DIAPH3: variants seen among roughly 807,000 people sequenced by gnomAD.
The protein encoded by DIAPH3 is diaphanous related formin 3, also known as protein diaphanous homolog 3.
DIAPH3 carries 117 observed loss-of-function variants against 144.3 expected under a neutral mutation model. That is an observed-to-expected ratio of 0.81 (90% CI 0.70 to 0.95). The LOEUF is 0.95. Among genes scored for constraint, DIAPH3 ranks in the 40% least tolerant of loss-of-function variants. The probability of loss-of-function intolerance (pLI) is 0.00; values close to 1 mark genes in which losing one functional copy is unlikely to be tolerated. For missense variants in DIAPH3, 1,421 were observed against 1,412.7 expected, an observed-to-expected ratio of 1.01 and a Z score of -0.09; for synonymous variants, 519 against 488.9, an observed-to-expected ratio of 1.06 and a Z score of -0.81.
chr13:60,163,473 A>C, intron 1 of DIAPH3, 114 bp downstream of exon 1: 1 of 1,409,096 alleles, frequency 7.1e-7, no homozygotes, highest in Non-Finnish European at 9.7e-7. Flanking sequence ...GATCTTTGGC[A>C]CCTCTGGATC....
At chr13:59,956,356 G>T (rs1191608333) in intron 17 of DIAPH3, among the ~76,000 whole-genome samples, 1 of 152,182 alleles carries the variant, frequency 6.6e-6, no homozygotes, top group African/African-American at 2.4e-5. Flanking sequence ...GGGACTTGGT[G>T]CCCTGTGTCC....
At chr13:60,090,402 T>C (rs1419399891) in intron 4 of DIAPH3, among the ~76,000 whole-genome samples, 1 of 149,946 alleles carries the variant, frequency 6.7e-6, no homozygotes, top group Middle Eastern at 3.2e-3. Context: ...ACCAACCTTA[T>C]CTACGTTAGG....
intron 17 of DIAPH3, among the ~76,000 whole-genome samples, chr13:59,941,579 C>G (rs1246839799): frequency 6.6e-6 from 1 of 152,164 alleles, no homozygotes; most frequent in Non-Finnish European, 1.5e-5. Context: ...GGGGCAAGCG[C>G]TAGAGACAAA....
chr13:59,787,518 C>A (rs577357161), intron 25 of DIAPH3, among the ~76,000 whole-genome samples: 1 of 152,064 alleles, frequency 6.6e-6, no homozygotes, highest in Non-Finnish European at 1.5e-5. Context: ...GAATTTGAAA[C>A]CAGCCTAGAC....
chr13:59,944,959 C>T (rs1224339368), intron 17 of DIAPH3, among the ~76,000 whole-genome samples: 1 of 152,044 alleles, frequency 6.6e-6, no homozygotes, highest in Non-Finnish European at 1.5e-5. Flanking sequence ...CCAGCAACAC[C>T]ATCATCAACA....
At chr13:59,705,124 A>T (rs2034342049) in intron 27 of DIAPH3, among the ~76,000 whole-genome samples, 1 of 152,060 alleles carries the variant, frequency 6.6e-6, no homozygotes, top group Non-Finnish European at 1.5e-5. Flanking sequence ...TGTGCCAAAC[A>T]GTGTGTGAGA....
At chr13:60,084,003 TAGAC>T (rs766359105) in intron 4 of DIAPH3, among the ~76,000 whole-genome samples, 25,884 of 128,964 alleles carry the variant, frequency 0.2, 2,321 homozygotes, top group South Asian at 0.22. Flanking sequence ...GATAGATAGA[TAGAC>T]AGATAGATAG....
intron 3 of DIAPH3, among the ~76,000 whole-genome samples, chr13:60,105,416 C>A (rs2058390915): frequency 6.6e-6 from 1 of 152,114 alleles, no homozygotes. Flanking sequence ...TTTATTGGTG[C>A]TACAAAATCC....
At chr13:60,163,141 T>C (rs1594813353) in intron 1 of DIAPH3, among the ~76,000 whole-genome samples, 2 of 152,182 alleles carry the variant, frequency 1.3e-5, no homozygotes, top group African/African-American at 4.8e-5. Context: ...ACCCGCCAAG[T>C]TCTAAAACTA....
At chr13:60,089,714 A>T (rs2057868354) in intron 4 of DIAPH3, among the ~76,000 whole-genome samples, 1 of 152,192 alleles carries the variant, frequency 6.6e-6, no homozygotes, top group African/African-American at 2.4e-5. Context: ...CATTTTCTCC[A>T]ATAAACTTGC....
chr13:59,991,604 C>T (rs1196355114), intron 11 of DIAPH3, among the ~76,000 whole-genome samples: 1 of 151,854 alleles, frequency 6.6e-6, no homozygotes, highest in African/African-American at 2.4e-5. Flanking sequence ...AGCTGGTGGT[C>T]AGGTTAATTA....
intron 4 of DIAPH3, among the ~76,000 whole-genome samples, chr13:60,054,489 T>C (rs1382439505): frequency 1.3e-5 from 2 of 152,012 alleles, no homozygotes; most frequent in Non-Finnish European, 2.9e-5. Context: ...CCTGTAGGTT[T>C]CTATTTAAGT....
chr13:59,669,424 G>C (rs1007687422), intron 27 of DIAPH3, among the ~76,000 whole-genome samples: 1 of 152,080 alleles, frequency 6.6e-6, no homozygotes, highest in Non-Finnish European at 1.5e-5. Flanking sequence ...ACTCATAGAG[G>C]TGATCAGAAG....
intron 19 of DIAPH3, among the ~76,000 whole-genome samples, chr13:59,915,363 G>T (rs2047177349): frequency 6.6e-6 from 1 of 152,020 alleles, no homozygotes; most frequent in African/African-American, 2.4e-5. Context: ...AACTTCCAAA[G>T]ATATCATTTA....
intron 4 of DIAPH3, among the ~76,000 whole-genome samples, chr13:60,090,404 T>A (rs1024349722): frequency 5.9e-5 from 9 of 152,044 alleles, no homozygotes; most frequent in African/African-American, 2.2e-4. Context: ...CAACCTTATC[T>A]ACGTTAGGCC....
intron 24 of DIAPH3, among the ~76,000 whole-genome samples, chr13:59,814,623 C>T (rs1277490384): frequency 1.3e-5 from 2 of 152,148 alleles, no homozygotes; most frequent in Non-Finnish European, 2.9e-5. Flanking sequence ...GACTTCCATC[C>T]TAAATTTGAA....
chr13:60,010,405 G>A, intron 8 of DIAPH3, 128 bp downstream of exon 8: 1 of 1,006,878 alleles, frequency 9.9e-7, no homozygotes, highest in Non-Finnish European at 1.4e-6. Flanking sequence ...TATATTAGCT[G>A]CTTAAATATA....
chr13:59,701,209 A>C (rs2034094131), intron 27 of DIAPH3, among the ~76,000 whole-genome samples: 1 of 152,224 alleles, frequency 6.6e-6, no homozygotes, highest in African/African-American at 2.4e-5. Context: ...TATCAAACTC[A>C]TAGATACTGA....
chr13:60,069,435 A>C (rs766345291), intron 4 of DIAPH3, among the ~76,000 whole-genome samples: 8 of 151,488 alleles, frequency 5.3e-5, no homozygotes, highest in African/African-American at 1.5e-4. Flanking sequence ...TTGTCTGTTT[A>C]CTCTCTTGAT....
Sources: gnomAD v4.1 joint callset for allele counts (sites outside exome capture counted in the v4.1 genomes callset) on GRCh38, gnomAD v4.1.1 for gene constraint, MANE v1.5 for transcripts, NCBI Gene and HGNC (gene_info 2026-07-23, HGNC 2026-07-21) for gene names.